The following DCAF8 variants were observed in gnomAD, a reference collection of about 807,000 sequenced individuals.
DCAF8 encodes DDB1 and CUL4 associated factor 8.
DCAF8 carries 20 observed loss-of-function variants against 68.0 expected under a neutral mutation model. The ratio of observed to expected loss-of-function variants is 0.29; its 90% CI spans 0.21 to 0.43. The LOEUF (loss-of-function observed/expected upper bound fraction) is 0.43. Ranked by LOEUF, DCAF8 falls within the 20% of genes least tolerant of loss-of-function variation. The pLI, the probability that DCAF8 is intolerant of heterozygous loss-of-function variation, is 1.00. For missense variants in DCAF8, 460 were observed against 771.0 expected (o/e 0.60, Z 4.78); for synonymous variants, 230 against 276.9 (o/e 0.83, Z 1.68).
At chr1:160,220,190 T>C (rs990390694) in intron 11 of DCAF8, 2 of 152,272 alleles carry the variant, frequency 1.3e-5, no homozygotes, top group Non-Finnish European at 2.9e-5. Context: ...TATCAGCCTA[T>C]TGTGAAGTTT....
intron 3 of DCAF8, 61 bp downstream of exon 3, chr1:160,243,899 A>T: frequency 6.4e-7 from 1 of 1,556,334 alleles, no homozygotes; most frequent in Non-Finnish European, 8.9e-7. Flanking sequence ...TCTATCTTGC[A>T]GGGAGGAGGA....
intron 3 of DCAF8, among the ~76,000 whole-genome samples, chr1:160,242,910 C>T (rs11265362): frequency 0.06 from 9,062 of 152,272 alleles, 360 homozygotes; most frequent in East Asian, 0.14. Flanking sequence ...GAACCCTGTG[C>T]CTTTCAACTA....
intron 10 of DCAF8, among the ~76,000 whole-genome samples, chr1:160,223,127 C>CT (rs1655351803): frequency 6.6e-6 from 1 of 152,320 alleles, no homozygotes; most frequent in South Asian, 2.1e-4. Flanking sequence ...CTAGGATTAT[C>CT]TTTGATATGT....
chr1:160,241,127 G>A (rs1205176491), intron 3 of DCAF8, among the ~76,000 whole-genome samples: 1 of 152,116 alleles, frequency 6.6e-6, no homozygotes, highest in Admixed American at 6.6e-5. Flanking sequence ...ACTCTAGCCT[G>A]GGCGACAAAG....
At chr1:160,239,420 G>C (rs1158389865) in intron 4 of DCAF8, 2 of 1,423,804 alleles carry the variant, frequency 1.4e-6, no homozygotes, top group East Asian at 5.0e-5. Context: ...TTTGGTTCAA[G>C]AGCCTGTGCT....
chr1:160,262,517 G>C lies in DCAF8; in HGVS notation c.-169C>G. ...TTGCGCCTGCGCTGCCACGCTTTCC[G>C]GCCCCGTTTGCGACGATGTGCTCGA... On this transcript the variant is annotated 5_prime_UTR_variant, in exon 1 of 14. Coordinates refer to ENST00000368074, the MANE Select transcript of DCAF8 (RefSeq NM_015726.4). 1 of 399,404 alleles carries C rather than the reference G, an allele frequency of 2.5e-6. No homozygotes were observed. The highest frequency in any genetic ancestry group is 2.1e-5 in the African/African-American group (1 of 48,754). 24.7% of individuals were successfully genotyped at this position (399,404 alleles called of 1,614,324 possible).
chr1:160,253,647 C>CAAAA lies in DCAF8; in HGVS notation c.-27+7634_-27+7637dup, dbSNP rs747211563. ...TGTGCGACAGGGTGAGACTCCATCT[C>CAAAA]AAAAAAAAAAAAAAAAAAAAAAAAA... On this transcript the variant is annotated intron_variant, in intron 2 of 13. Coordinates refer to ENST00000368074, the MANE Select transcript of DCAF8 (RefSeq NM_015726.4). Among the ~76,000 whole-genome samples the CAAAA allele has an allele frequency of 2.7e-3, 73 of 26,938 alleles. 7 individuals are homozygous for CAAAA. The highest frequency in any genetic ancestry group is 0.083 in the Middle Eastern group (2 of 24). The allele number at this position is 26,938 out of a possible 152,430, so 17.7% of individuals were successfully genotyped here. A position where few individuals can be genotyped will look rare whatever the true frequency, so the allele number is the denominator to read the frequency against.
rs1335507572 is a variant in DCAF8 at position 160,218,457 on chromosome 1, T to C, written c.1561-17A>G. 4 of 1,603,554 alleles carry C rather than the reference T, an allele frequency of 2.5e-6. No homozygotes were observed. The Admixed American group carries it at 5.0e-5, about 20-fold the overall frequency. ...CTTAATCACCTGGAACCCAAAAAGG[T>C]TGGGAAGAGGGGGCAGCAATGAAGA... On this transcript the variant is annotated splice_polypyrimidine_tract_variant and intron_variant, in intron 12 of 13. Coordinates refer to ENST00000368074, the MANE Select transcript of DCAF8 (RefSeq NM_015726.4).
intron 11 of DCAF8, chr1:160,220,847 G>A (rs1655269772): frequency 1.3e-5 from 2 of 152,192 alleles, no homozygotes. Flanking sequence ...GAACTGCTGA[G>A]TCTACTACAT....
intron 2 of DCAF8, among the ~76,000 whole-genome samples, chr1:160,244,423 G>A (rs6683177): frequency 0.069 from 10,537 of 152,128 alleles, 1,250 homozygotes; most frequent in African/African-American, 0.24. Flanking sequence ...TGCCCCCTAG[G>A]CAAGAATCTT....
At chr1:160,236,281 T>C (rs542173335) in intron 6 of DCAF8, among the ~76,000 whole-genome samples, 3,026 of 123,402 alleles carry the variant, frequency 0.025, 89 homozygotes, top group African/African-American at 0.074. Context: ...CACACATACA[T>C]ACACGTACGT....
intron 2 of DCAF8, among the ~76,000 whole-genome samples, chr1:160,259,884 T>C (rs556403576): frequency 6.6e-6 from 1 of 152,276 alleles, no homozygotes; most frequent in East Asian, 1.9e-4. Context: ...ATATCTAATA[T>C]TCTCTGTCCT....
At chr1:160,220,449 C>T (rs1208016101) in intron 11 of DCAF8, 1 of 152,244 alleles carries the variant, frequency 6.6e-6, no homozygotes, top group Non-Finnish European at 1.5e-5. Flanking sequence ...AAGAGAATAA[C>T]ATACAGTACC....
chr1:160,253,727 G>A (rs1656702501), intron 2 of DCAF8, among the ~76,000 whole-genome samples: 1 of 150,354 alleles, frequency 6.7e-6, no homozygotes, highest in Non-Finnish European at 1.5e-5. Context: ...TTGGGAGGCT[G>A]AAGTGGGAGG....
intron 2 of DCAF8, among the ~76,000 whole-genome samples, chr1:160,249,870 G>GT (rs1209985501): frequency 6.6e-6 from 1 of 152,142 alleles, no homozygotes; most frequent in Non-Finnish European, 1.5e-5. Context: ...GTATGTTATG[G>GT]TAAGTGCAAT....
At chr1:160,227,356 C>T (rs1428251272) in intron 7 of DCAF8, among the ~76,000 whole-genome samples, 1 of 152,142 alleles carries the variant, frequency 6.6e-6, no homozygotes, top group Admixed American at 6.5e-5. Flanking sequence ...CCTTGACATC[C>T]CCAGCTCACA....
intron 3 of DCAF8, among the ~76,000 whole-genome samples, chr1:160,243,247 T>C (rs1011445104): frequency 1.3e-5 from 2 of 152,036 alleles, no homozygotes; most frequent in East Asian, 1.9e-4. Context: ...AGCCAGTGAT[T>C]TGACACTTGG....
In DCAF8 at chr1:160,216,102, G is replaced by C. The variant is rs1262790345; in HGVS notation, c.*1490C>G. On this transcript the variant is annotated 3_prime_UTR_variant, in exon 14 of 14. Transcript: ENST00000368074. ...GACTCAGTGACCAGTGATAAGACAA[G>C]TGCCCAAGCTCCAGCCACTGTAATC... The C allele has an allele frequency of 6.6e-6, 1 of 152,140 alleles. No homozygotes were observed. Among genetic ancestry groups the C allele is most frequent in the African/African-American group, 2.4e-5 (1 of 41,416 alleles). 9.4% of individuals were successfully genotyped at this position (152,140 alleles called of 1,614,324 possible).
chr1:160,234,557 C>G (rs16831658), intron 6 of DCAF8, among the ~76,000 whole-genome samples: 2,417 of 152,306 alleles, frequency 0.016, 63 homozygotes, highest in African/African-American at 0.049. Flanking sequence ...AGATTCAATT[C>G]CTGGTGGCCT....
Sources: allele counts gnomAD v4.1 joint callset (sites outside exome capture counted in the v4.1 genomes callset), GRCh38; gene constraint gnomAD v4.1.1; transcripts MANE v1.5; gene names NCBI Gene and HGNC (gene_info 2026-07-23, HGNC 2026-07-21).